The following RBFOX1 variants were observed in gnomAD, a reference collection of about 807,000 sequenced individuals.
RBFOX1 encodes RNA binding protein fox-1 homolog 1.
A neutral mutation model predicts 57.7 loss-of-function variants in RBFOX1; 8 were observed. The observed-to-expected ratio is 0.14, with a 90% CI of 0.08 to 0.25. The LOEUF (loss-of-function observed/expected upper bound fraction) is 0.25, where lower values mean the gene tolerates loss of function less well. Among genes scored for constraint, RBFOX1 ranks in the 10% least tolerant of loss-of-function variants. The pLI, the probability that RBFOX1 is intolerant of heterozygous loss-of-function variation, is 1.00. For missense variants in RBFOX1, 611 were observed against 548.5 expected (o/e 1.11, Z -1.14); for synonymous variants, 326 against 222.4 (o/e 1.47, Z -4.15).
At chr16:6,474,633 C>T (rs2095244837) in intron 2 of RBFOX1, among the ~76,000 whole-genome samples, 1 of 152,054 alleles carries the variant, frequency 6.6e-6, no homozygotes. Context: ...CCAAGTGGGG[C>T]AGGTGGATAG....
chr16:5,826,223 TACTC>T (rs1221389647), intron 3 of RBFOX1, among the ~76,000 whole-genome samples: 2 of 151,218 alleles, frequency 1.3e-5, no homozygotes, highest in African/African-American at 2.4e-5. Context: ...GAATATTACT[TACTC>T]ATTTACAAAC....
chr16:5,904,637 C>G (rs909505241), intron 4 of RBFOX1, among the ~76,000 whole-genome samples: 1 of 151,932 alleles, frequency 6.6e-6, no homozygotes, highest in Non-Finnish European at 1.5e-5. Context: ...GGTCTTTGCC[C>G]TCAGTACCTC....
At chr16:7,609,999 G>C (rs979764513) in intron 10 of RBFOX1, among the ~76,000 whole-genome samples, 3 of 148,390 alleles carry the variant, frequency 2.0e-5, no homozygotes, top group African/African-American at 7.5e-5. Context: ...TGTATTTTTA[G>C]TGGAGATGGG....
At chr16:5,404,615 C>A (rs756635276) in intron 1 of RBFOX1, among the ~76,000 whole-genome samples, 1 of 152,164 alleles carries the variant, frequency 6.6e-6, no homozygotes, top group African/African-American at 2.4e-5. Context: ...ATGGTTCCCA[C>A]GTTAGCTCTG....
intron 3 of RBFOX1, among the ~76,000 whole-genome samples, chr16:6,781,404 T>A (rs1052472823): frequency 6.6e-6 from 1 of 152,120 alleles, no homozygotes; most frequent in African/African-American, 2.4e-5. Context: ...CGTTGTGTAT[T>A]TGTCTAGTTT....
intron 4 of RBFOX1, among the ~76,000 whole-genome samples, chr16:7,372,434 TTTTA>T (rs1418701793): frequency 6.6e-6 from 1 of 152,204 alleles, no homozygotes; most frequent in African/African-American, 2.4e-5. Context: ...TCTTTATTTC[TTTTA>T]TTTATTTGTG....
intron 3 of RBFOX1, among the ~76,000 whole-genome samples, chr16:7,017,667 A>G (rs181508747): frequency 5.9e-5 from 9 of 152,152 alleles, no homozygotes; most frequent in African/African-American, 1.7e-4. Context: ...TACATGCTTG[A>G]CCTTGGTGAG....
intron 3 of RBFOX1, among the ~76,000 whole-genome samples, chr16:6,739,972 GA>G (rs969958302): frequency 6.6e-5 from 10 of 152,024 alleles, no homozygotes; most frequent in African/African-American, 2.4e-4. Flanking sequence ...AAAGAAACAA[GA>G]AAACTGCAAA....
intron 4 of RBFOX1, among the ~76,000 whole-genome samples, chr16:7,498,815 C>T (rs146864209): frequency 6.6e-6 from 1 of 152,274 alleles, no homozygotes; most frequent in African/African-American, 2.4e-5. Context: ...AGCTCTCTGA[C>T]TAGGATTACA....
chr16:5,947,340 A>T lies in RBFOX1; in HGVS notation c.351+80005A>T, dbSNP rs1052739732. Among the ~76,000 whole-genome samples the T allele has an allele frequency of 1.3e-5, 2 of 152,180 alleles. No homozygotes were observed. The highest frequency in any genetic ancestry group is 2.9e-5 in the Non-Finnish European group (2 of 68,032). On this transcript the variant is annotated intron_variant, in intron 4 of 19. Transcript: ENST00000641259. The surrounding 1 kb of genome is among the most constrained non-coding windows in gnomAD (Gnocchi z 7.2). ...CATCGAATGGACACCTCTTTTTACA[A>T]CCATGTGTTCTACATTGCAATGACA... is the stretch of plus-strand genomic sequence containing the variant.
At chr16:7,232,616 T>A (rs998785520) in intron 4 of RBFOX1, among the ~76,000 whole-genome samples, 3 of 151,766 alleles carry the variant, frequency 2.0e-5, no homozygotes, top group Non-Finnish European at 4.4e-5. Context: ...CCGAAGCGGG[T>A]GGATCACCTG....
intron 1 of RBFOX1, among the ~76,000 whole-genome samples, chr16:5,357,495 C>G (rs1407788934): frequency 6.6e-6 from 1 of 152,222 alleles, no homozygotes; most frequent in Non-Finnish European, 1.5e-5. Context: ...ACAGAGAAGA[C>G]TTCAGGATTC....
chr16:7,375,498 G>GTTTTTT (rs1303255513), intron 4 of RBFOX1, among the ~76,000 whole-genome samples: 2 of 148,850 alleles, frequency 1.3e-5, no homozygotes, highest in Non-Finnish European at 1.5e-5. Flanking sequence ...GAGAGGTTTT[G>GTTTTTT]TTTTTTTGTT....
At chr16:5,586,653 C>T (rs1035347673) in intron 2 of RBFOX1, among the ~76,000 whole-genome samples, 38 of 152,272 alleles carry the variant, frequency 2.5e-4, no homozygotes, top group African/African-American at 8.7e-4. Context: ...TGTGCTACCA[C>T]ACTCATCTAA....
chr16:6,648,897 A>C (rs1479927979), intron 2 of RBFOX1, among the ~76,000 whole-genome samples: 2 of 152,214 alleles, frequency 1.3e-5, no homozygotes, highest in Admixed American at 1.3e-4. Context: ...ATGTGTGTAC[A>C]TTGTGGAATG....
intron 2 of RBFOX1, among the ~76,000 whole-genome samples, chr16:5,563,192 G>A (rs552203482): frequency 1.3e-5 from 2 of 152,292 alleles, no homozygotes; most frequent in African/African-American, 4.8e-5. Flanking sequence ...CAGGTGATCT[G>A]CCTGCCTTGG....
intron 3 of RBFOX1, among the ~76,000 whole-genome samples, chr16:7,020,237 C>CT (rs571586335): frequency 3.3e-5 from 5 of 151,960 alleles, no homozygotes; most frequent in Non-Finnish European, 5.9e-5. Context: ...TTTATTTCCT[C>CT]TTTTTTTAGA....
chr16:5,955,651 G>C (rs1163408600), intron 4 of RBFOX1, among the ~76,000 whole-genome samples: 1 of 152,008 alleles, frequency 6.6e-6, no homozygotes, highest in Non-Finnish European at 1.5e-5. Context: ...TTATCATAGA[G>C]GGAAAAACTG....
At chr16:6,648,218 T>C (rs1245183929) in intron 2 of RBFOX1, among the ~76,000 whole-genome samples, 3 of 151,880 alleles carry the variant, frequency 2.0e-5, no homozygotes, top group Admixed American at 2.0e-4. Flanking sequence ...GCTAATTTTT[T>C]TCTTCTTTAT....
Sources: allele counts gnomAD v4.1 joint callset (sites outside exome capture counted in the v4.1 genomes callset), GRCh38; gene constraint gnomAD v4.1.1; non-coding constraint Gnocchi (gnomAD v3.1); transcripts MANE v1.5; gene names NCBI Gene and HGNC (gene_info 2026-07-23, HGNC 2026-07-21).